POLQ: variants seen among roughly 807,000 people sequenced by gnomAD.
POLQ encodes the protein DNA polymerase theta.
Under a neutral mutation model 259.2 loss-of-function variants are expected in POLQ, and 233 were observed. The observed-to-expected ratio is 0.90, with a 90% CI of 0.81 to 1.00. POLQ has a LOEUF of 1.00. POLQ is among the 50% of genes least tolerant of loss of function. The pLI is 0.00. For missense variants in POLQ, 2,871 were observed against 3,051.6 expected (o/e 0.94, Z 1.39); for synonymous variants, 1,025 against 1,048.8 (o/e 0.98, Z 0.44).
intron 20 of POLQ, among the ~76,000 whole-genome samples, chr3:121,473,727 C>CTT (rs10636473): frequency 0.29 from 32,824 of 114,072 alleles, 6,137 homozygotes; most frequent in East Asian, 0.68. Flanking sequence ...AACACAAGGC[C>CTT]TTTTTTTTTT....
At chr3:121,495,948 C>T (rs1289189914) in intron 14 of POLQ, among the ~76,000 whole-genome samples, 3 of 151,560 alleles carry the variant, frequency 2.0e-5, no homozygotes, top group Non-Finnish European at 4.4e-5. Context: ...CATATCTTCA[C>T]GATGAAACCT....
intron 14 of POLQ, chr3:121,494,047 CTT>C (rs1288326776): frequency 3.2e-6 from 2 of 620,946 alleles, no homozygotes; most frequent in East Asian, 2.7e-5. Flanking sequence ...CTCTCTCTCT[CTT>C]TCTTAAGCAA....
At position 121,481,683 on chromosome 3, in the gene POLQ, G is replaced by GC; in HGVS notation, c.6099dup (p.Leu2034AlafsTer6). 1 of 1,614,090 alleles carries GC rather than the reference G, an allele frequency of 6.2e-7. No individual in the cohort carries two copies. The highest frequency in any genetic ancestry group is 8.5e-7 in the Non-Finnish European group (1 of 1,180,000). ...CCAGAATGCTCACTGCCAGCATTTA[G>GC]CCCCAGGCTTTGAATCCCTTGGCTG... On this transcript the variant is annotated frameshift_variant, in exon 19 of 30. Coordinates refer to ENST00000264233, the MANE Select transcript of POLQ (RefSeq NM_199420.4). LOFTEE classifies it high-confidence loss of function.
At chr3:121,540,515 A>G (rs2048482561) in intron 3 of POLQ, among the ~76,000 whole-genome samples, 1 of 152,222 alleles carries the variant, frequency 6.6e-6, no homozygotes, top group Admixed American at 6.5e-5. Context: ...TGCCCTAAAA[A>G]CTGTGAGCAT....
rs1475934317 is a variant in POLQ at position 121,449,433 on chromosome 3, G to A, written c.7153-7C>T. ...AAATGATCCCATAGCAAATCTGAAA[G>A]GGAGTCATCCAACAAATAAAGGTTA... is the stretch of plus-strand genomic sequence containing the variant. On this transcript the variant is annotated splice_region_variant and splice_polypyrimidine_tract_variant and intron_variant, in intron 25 of 29. Coordinates refer to ENST00000264233, the MANE Select transcript of POLQ (RefSeq NM_199420.4). 7.1e-7 allele frequency: 1 copy of A among 1,414,276 alleles called. No homozygotes were observed. Among genetic ancestry groups the A allele is most frequent in the Non-Finnish European group, 1.0e-6 (1 of 998,176 alleles). 87.6% of individuals were successfully genotyped at this position (1,414,276 alleles called of 1,614,324 possible). A position where few individuals can be genotyped will look rare whatever the true frequency, so the allele number is the denominator to read the frequency against.
In POLQ at chr3:121,487,523, C is replaced by A. The variant is rs192758267; in HGVS notation, c.5408G>T (p.Ser1803Ile). ...FKDNSPISDT[S>I]FSLQLSQDGL... ...ATCCTGTGATAACTGAAGTGAAAAGCTTGTGTCACTAATAGGGCTGTTGTC... is the reference window on the plus strand; with the variant it reads ...ATCCTGTGATAACTGAAGTGAAAAGATTGTGTCACTAATAGGGCTGTTGTC... The change falls in exon 16 of 30, where the codon AGC (serine) becomes ATC (isoleucine). Residue 1803 changes from serine to isoleucine, a missense_variant. Ser to Ile is a moderately radical substitution (Grantham distance 142). Coordinates refer to ENST00000264233, the MANE Select transcript of POLQ (RefSeq NM_199420.4). 1.2e-6 allele frequency: 2 copies of A among 1,613,934 alleles called. No individual in the cohort carries two copies. The highest frequency in any genetic ancestry group is 1.7e-6 in the Non-Finnish European group (2 of 1,179,958).
Position 121,511,957 on chromosome 3 carries a change from G to A in POLQ, c.1541C>T (p.Pro514Leu). The stretch of plus-strand genomic sequence containing the variant: ...TCGTCTTTGCAGACAGCTGCGAACA[G>A]GCTTTAGAGAACCCTGAAGGAGAGC... ...GIALLQGSLK[P>L]VRSCLQRREG... is the part of the protein sequence containing the mutation. The change falls in exon 10 of 30, where the codon CCT (proline) becomes CTT (leucine). Residue 514 changes from proline to leucine, a missense_variant. This residue lies in a region of POLQ where 783 missense variants were observed against 906.2 expected (regional missense o/e 0.86). Coordinates refer to ENST00000264233, the MANE Select transcript of POLQ (RefSeq NM_199420.4). The A allele has an allele frequency of 6.2e-7, 1 of 1,613,630 alleles. No individual in the cohort carries two copies. The highest frequency in any genetic ancestry group is 1.1e-5 in the South Asian group (1 of 91,058).
chr3:121,532,500 G>A (rs146160867), intron 6 of POLQ, among the ~76,000 whole-genome samples: 14 of 151,914 alleles, frequency 9.2e-5, no homozygotes, highest in East Asian at 7.7e-4. Flanking sequence ...CACCATCACC[G>A]CTAATATTTT....
rs1177151785 is a variant in POLQ at position 121,441,453 on chromosome 3, T to C, written c.7265-1337A>G. On this transcript the variant is annotated intron_variant, in intron 26 of 29. Coordinates refer to ENST00000264233, the MANE Select transcript of POLQ (RefSeq NM_199420.4). ...CTTTATGATACTCTTAAGTTTTTCA[T>C]GTTCATGAATATCATACAAATTGAA... Among the ~76,000 whole-genome samples, 5 of 152,222 alleles carry C rather than the reference T, an allele frequency of 3.3e-5. No individual in the cohort carries two copies. The East Asian group carries it at 9.6e-4, about 29-fold the overall frequency.
Position 121,488,558 on chromosome 3 carries a change from A to G in POLQ, c.4373T>C (p.Val1458Ala). 1 of 1,611,876 alleles carries G rather than the reference A, an allele frequency of 6.2e-7. No individual in the cohort carries two copies. Among genetic ancestry groups the G allele is most frequent in the Non-Finnish European group, 8.5e-7 (1 of 1,179,418 alleles). ...TCTCTTTTGAGGAATCAGAAGTATA[A>G]CTGGTTTCACAGTTTCTTGTGTTTG... ...GYQTQETVKP[V>A]ILLIPQKRTP... Residue 1458 changes from valine (V) to alanine (A), a missense_variant, in exon 16 of 30, where the codon GTT becomes GCT. Physicochemically the swap from Val to Ala is moderately conservative, Grantham distance 64 (BLOSUM62 0). Around this residue, in one of 3 missense-constraint regions of POLQ, gnomAD observed 2,080 missense variants for 2,126.0 expected, o/e 0.98. Coordinates refer to ENST00000264233, the MANE Select transcript of POLQ (RefSeq NM_199420.4).
chr3:121,537,336 G>C, intron 4 of POLQ, 128 bp from the exon 5 acceptor site: 1 of 635,998 alleles, frequency 1.6e-6, no homozygotes, highest in South Asian at 2.0e-5. Context: ...GGGGGTACAT[G>C]TGAAGGTCTG....
At chr3:121,544,514 T>C (rs2048514558) in intron 2 of POLQ, among the ~76,000 whole-genome samples, 1 of 152,162 alleles carries the variant, frequency 6.6e-6, no homozygotes, top group Non-Finnish European at 1.5e-5. Flanking sequence ...CTTTAAATTG[T>C]CATTTTTCTT....
intron 27 of POLQ, among the ~76,000 whole-genome samples, chr3:121,438,833 T>C (rs763205891): frequency 6.6e-6 from 1 of 152,182 alleles, no homozygotes; most frequent in Non-Finnish European, 1.5e-5. Flanking sequence ...CTGATAAATA[T>C]CTGATATTTG....
At chr3:121,533,481 A>G (rs1285703862) in intron 5 of POLQ, among the ~76,000 whole-genome samples, 3 of 152,122 alleles carry the variant, frequency 2.0e-5, no homozygotes, top group Admixed American at 1.3e-4. Context: ...GGTATTGTCA[A>G]TCTTTTTAAT....
intron 5 of POLQ, among the ~76,000 whole-genome samples, chr3:121,534,611 A>G (rs1043421973): frequency 6.6e-6 from 1 of 152,168 alleles, no homozygotes; most frequent in African/African-American, 2.4e-5. Context: ...ATGAGCCACC[A>G]TGCTTGGCCT....
In POLQ at chr3:121,440,029, G is replaced by A; in HGVS notation, c.7352C>T (p.Pro2451Leu). ...ATAAGGGTTGTTGTCTTTGATTCCT[G>A]GCAAATATCTACGCCTTCCCAAAAT... ...QTILGRRRYL[P>L]GIKDNNPYRK... The change falls in exon 27 of 30, where the codon CCA becomes CTA. Residue 2451 changes from proline (P) to leucine (L), a missense_variant. By Grantham distance (98) the Pro-to-Leu change is moderately conservative. Transcript: ENST00000264233. The A allele has an allele frequency of 1.9e-6, 3 of 1,613,458 alleles. No individual in the cohort carries two copies. The highest frequency in any genetic ancestry group is 2.5e-6 in the Non-Finnish European group (3 of 1,179,510).
chr3:121,466,982 C>T (rs774734254), intron 24 of POLQ, among the ~76,000 whole-genome samples: 2 of 152,086 alleles, frequency 1.3e-5, no homozygotes, highest in Admixed American at 6.5e-5. Context: ...TCATAACTTC[C>T]AAATGTCTTG....
Position 121,481,796 on chromosome 3 carries a change from A to G in POLQ, c.5987T>C (p.Leu1996Pro), listed in dbSNP as rs770606852. 6.2e-7 allele frequency: 1 copy of G among 1,611,470 alleles called. No homozygotes were observed. Among genetic ancestry groups the G allele is most frequent in the Non-Finnish European group, 8.5e-7 (1 of 1,178,108 alleles). The change falls in exon 19 of 30, where the codon CTA becomes CCA. Residue 1996 changes from leucine (L) to proline (P), a missense_variant. Leu to Pro is a moderately conservative substitution (Grantham distance 98). Transcript: ENST00000264233. Reference sequence around the variant, plus strand: ...AGTCGGCTCCTGAGAATCTGGATCTAGTAACCAGCATGCCACCTGAATGGG... The same window carrying G: ...AGTCGGCTCCTGAGAATCTGGATCTGGTAACCAGCATGCCACCTGAATGGG... The part of the protein sequence containing the change: ...YEDPKVACWL[L>P]DPDSQEPTLH...
At chr3:121,500,285 A>G (rs57030219) in intron 12 of POLQ, among the ~76,000 whole-genome samples, 2 of 149,606 alleles carry the variant, frequency 1.3e-5, no homozygotes, top group Admixed American at 6.6e-5. Context: ...TCTCAAAAAA[A>G]AAAAAAAAAA....
Sources: gnomAD v4.1 joint callset for allele counts (sites outside exome capture counted in the v4.1 genomes callset) on GRCh38, gnomAD v4.1.1 for gene constraint, gnomAD v4.1.1 regional missense constraint, MANE v1.5 for transcripts, NCBI Gene and HGNC (gene_info 2026-07-23, HGNC 2026-07-21) for gene names.